Variants in SELENOH observed in about 807,000 individuals in gnomAD.
SELENOH encodes chromosome 11 open reading frame 31.
In SELENOH, 13 loss-of-function variants were observed where a neutral mutation model predicts 11.9. That is an observed-to-expected ratio of 1.09 (90% CI 0.71 to 1.74). The LOEUF (loss-of-function observed/expected upper bound fraction) is 1.74, where lower values mean the gene tolerates loss of function less well. Ranked by LOEUF, SELENOH falls within the 40% of genes most tolerant of loss-of-function variation. The probability of loss-of-function intolerance (pLI) is 0.00; values close to 1 mark genes in which losing one functional copy is unlikely to be tolerated. For synonymous variants in SELENOH, 96 were observed against 73.5 expected (o/e 1.31, Z -1.56); for missense variants, 223 against 170.3 (o/e 1.31, Z -1.72).
At position 57,741,644 on chromosome 11, in the gene SELENOH, G is replaced by C. The variant is rs777244759; in HGVS notation, c.49G>C (p.Val17Leu). 2.9e-6 allele frequency: 4 copies of C among 1,382,434 alleles called. No homozygotes were observed. The East Asian group carries it at 8.5e-5, about 29-fold the overall frequency. The allele number at this position is 1,382,434 out of a possible 1,614,324, so 85.6% of individuals were successfully genotyped here. ...KRKAEAAVVA[V>L]AEKREKLANG... is the part of the protein sequence containing the mutation. ...TAAGGCTGAGGCCGCGGTGGTCGCCGTAGCCGAGAAGCGAGAGAAGCTGGC... is the reference window on the plus strand; with the variant it reads ...TAAGGCTGAGGCCGCGGTGGTCGCCCTAGCCGAGAAGCGAGAGAAGCTGGC... Residue 17 changes from valine (V) to leucine (L), a missense_variant, in exon 1 of 4, where the codon GTA becomes CTA. Transcript: ENST00000534355.
rs1466542223 is a variant in SELENOH, at chr11:57,743,527, G to A, written c.*695G>A. The A allele has an allele frequency of 2.0e-5, 3 of 152,066 alleles. No homozygotes were observed. Among genetic ancestry groups the A allele is most frequent in the Admixed American group, 1.3e-4 (2 of 15,260 alleles). 9.4% of individuals were successfully genotyped at this position (152,066 alleles called of 1,614,324 possible). The stretch of plus-strand genomic sequence containing the variant: ...TACTTGTAAAAATTATGGGAGCAAA[G>A]TAAATAATTTATTTTTTAAAAAAGC... On this transcript the variant is annotated 3_prime_UTR_variant, in exon 4 of 4. Coordinates refer to ENST00000534355, the MANE Select transcript of SELENOH (RefSeq NM_170746.4).
intron 3 of SELENOH, chr11:57,742,492 T>C (rs1048089326): frequency 2.3e-6 from 1 of 442,916 alleles, no homozygotes; most frequent in Non-Finnish European, 4.1e-6. Context: ...TTTGGGAGAC[T>C]GTAGTTGACT....
At position 57,742,319 on chromosome 11, in the gene SELENOH, G is replaced by A. The variant is rs971674268; in HGVS notation, c.*30+72G>A. The A allele has an allele frequency of 6.0e-6, 7 of 1,167,794 alleles. No individual in the cohort carries two copies. The Admixed American group carries it at 8.4e-5, about 14-fold the overall frequency. The allele number at this position is 1,167,794 out of a possible 1,614,324, so 72.3% of individuals were successfully genotyped here. ...GGCATTGATCTTGGTGTGGCTACAA[G>A]TACCCACCTGGCGTGGGTAGCTCAC... On this transcript the variant is annotated intron_variant, in intron 3 of 3. Transcript: ENST00000534355.
In SELENOH at chr11:57,742,121, G is replaced by A. The variant is rs760390496; in HGVS notation, c.273G>A (p.Ala91=). The A allele has an allele frequency of 6.2e-7, 1 of 1,610,644 alleles. No individual in the cohort carries two copies. The highest frequency in any genetic ancestry group is 1.1e-5 in the South Asian group (1 of 90,250). The change falls in exon 3 of 4, where the codon GCG becomes GCA. Residue 91 remains alanine, a synonymous_variant. Transcript: ENST00000534355. ...CGCTTCATTCTGGCCTTTCAGGTGC[G>A]GAGCTCTGGACTGGGATTAAGAAGG... The part of the protein sequence containing the change: ...VTLLRPDGSS[A]ELWTGIKKGP...
rs757723961 is a variant in SELENOH at position 57,741,886 on chromosome 11, T to G, written c.200T>G (p.Val67Gly). ...CGCCTGGAGGCCCCAGAGCTTCCAG[T>G]AAAGGTGAACCCGACGAAGCCCCGG... is the stretch of plus-strand genomic sequence containing the variant. The part of the protein sequence containing the change: ...ALRLEAPELP[V>G]KVNPTKPRRG... Residue 67 changes from valine (V) to glycine (G), a missense_variant, in exon 2 of 4, where the codon GTA (valine) becomes GGA (glycine). By Grantham distance (109) the Val-to-Gly change is moderately radical (BLOSUM62 -3). Transcript: ENST00000534355. 3.1e-6 allele frequency: 5 copies of G among 1,596,050 alleles called. No homozygotes were observed. Among genetic ancestry groups the G allele is most frequent in the South Asian group, 1.1e-5 (1 of 88,218 alleles).
chr11:57,742,973 G>A lies in SELENOH; in HGVS notation c.*141G>A, dbSNP rs1949125750. ...GCCAGAAATGAAGGTTCAGTTATGA[G>A]GCAACCCTCTAGTAAGGCATTGTAA... On this transcript the variant is annotated 3_prime_UTR_variant, in exon 4 of 4. Coordinates refer to ENST00000534355, the MANE Select transcript of SELENOH (RefSeq NM_170746.4). 1 of 152,642 alleles carries A rather than the reference G, an allele frequency of 6.6e-6. No homozygotes were observed. 9.5% of individuals were successfully genotyped at this position (152,642 alleles called of 1,614,324 possible).
rs375068573 is a variant in SELENOH, at chr11:57,741,969, G to A, written c.268+15G>A. The A allele has an allele frequency of 1.0e-5, 16 of 1,582,906 alleles. No individual in the cohort carries two copies. In the African/African-American group the frequency reaches 1.9e-4, roughly 19 times the overall value. ...GGACGGCAGCAGTAAGTGGGGACCTGGATGTGGGGGAGAGGGACGTGGGTG... is the reference window on the plus strand; with the variant it reads ...GGACGGCAGCAGTAAGTGGGGACCTAGATGTGGGGGAGAGGGACGTGGGTG... On this transcript the variant is annotated intron_variant, in intron 2 of 3. Coordinates refer to ENST00000534355, the MANE Select transcript of SELENOH (RefSeq NM_170746.4).
Position 57,741,649 on chromosome 11 carries a change from CGAGAAGCGA to C in SELENOH, c.62_70del (p.Arg21_Lys23del). ...CTGAGGCCGCGGTGGTCGCCGTAGC[CGAGAAGCGA>C]GAGAAGCTGGCGAACGGCGGGGAGG... On this transcript the variant is annotated inframe_deletion, in exon 1 of 4. Coordinates refer to ENST00000534355, the MANE Select transcript of SELENOH (RefSeq NM_170746.4). 2 of 1,424,192 alleles carry C rather than the reference CGAGAAGCGA, an allele frequency of 1.4e-6. No homozygotes were observed. The highest frequency in any genetic ancestry group is 1.8e-6 in the Non-Finnish European group (2 of 1,087,414). The allele number at this position is 1,424,192 out of a possible 1,614,324, so 88.2% of individuals were successfully genotyped here.
rs376111197 is a variant in SELENOH, at chr11:57,742,206, T to C, written c.358T>C (p.Tyr120His). ...AGAGGTGGTGGAAGAGTTGAAGAAG[T>C]ACCTGTCGTAGGGAGATTTGGGTAG... ...PQEVVEELKKYLS is the reference protein window; with the variant it reads ...PQEVVEELKKHLS The change falls in exon 3 of 4, where the codon TAC becomes CAC. Residue 120 changes from tyrosine (Y) to histidine (H), a missense_variant. Physicochemically the swap from Tyr to His is moderately conservative, Grantham distance 83. Coordinates refer to ENST00000534355, the MANE Select transcript of SELENOH (RefSeq NM_170746.4). 13 of 1,608,996 alleles carry C rather than the reference T, an allele frequency of 8.1e-6. No individual in the cohort carries two copies. Among genetic ancestry groups the C allele is most frequent in the Non-Finnish European group, 1.0e-5 (12 of 1,177,774 alleles).
In SELENOH at chr11:57,741,507, G is replaced by T. The variant is rs1413832098; in HGVS notation, c.-89G>T. On this transcript the variant is annotated 5_prime_UTR_variant, in exon 1 of 4. Coordinates refer to ENST00000534355, the MANE Select transcript of SELENOH (RefSeq NM_170746.4). ...TGTAGGAGCAGAGCTTCCGGGCTGC[G>T]CTCTTCGTTGCCCAGTTTCCGCTCA... 3.8e-6 allele frequency: 4 copies of T among 1,050,870 alleles called. No individual in the cohort carries two copies. The African/African-American group carries it at 5.0e-5, about 13-fold the overall frequency. 65.1% of individuals were successfully genotyped at this position (1,050,870 alleles called of 1,614,324 possible). A position where few individuals can be genotyped will look rare whatever the true frequency, so the allele number is the denominator to read the frequency against.
chr11:57,742,489 G>T (rs1226678748), intron 3 of SELENOH: 9 of 443,624 alleles, frequency 2.0e-5, no homozygotes, highest in Non-Finnish European at 3.7e-5. Context: ...TCCTTTGGGA[G>T]ACTGTAGTTG....
In SELENOH at chr11:57,742,210, T is replaced by G; in HGVS notation, c.362T>G (p.Leu121Arg). The G allele has an allele frequency of 6.2e-7, 1 of 1,608,236 alleles. No homozygotes were observed. The highest frequency in any genetic ancestry group is 2.2e-5 in the East Asian group (1 of 44,802). The change falls in exon 3 of 4, where the codon CTG (leucine) becomes CGG (arginine). Residue 121 changes from leucine to arginine, a missense_variant. Leu to Arg is a moderately radical substitution (Grantham distance 102, BLOSUM62 -2). Coordinates refer to ENST00000534355, the MANE Select transcript of SELENOH (RefSeq NM_170746.4). ...QEVVEELKKY[L>R]S ...GTGGTGGAAGAGTTGAAGAAGTACC[T>G]GTCGTAGGGAGATTTGGGTAGAAGC...
rs894550614 is a variant in SELENOH, at chr11:57,743,237, T to C, written c.*405T>C. On this transcript the variant is annotated 3_prime_UTR_variant, in exon 4 of 4. Coordinates refer to ENST00000534355, the MANE Select transcript of SELENOH (RefSeq NM_170746.4). ...GTGCTATCTCGGCTCACTGCAACCA[T>C]TGTCTCCCAGGTTCAAGCGATACTC... 15 of 152,240 alleles carry C rather than the reference T, an allele frequency of 9.9e-5. No homozygotes were observed. The highest frequency in any genetic ancestry group is 3.9e-4 in the East Asian group (2 of 5,182). The allele number at this position is 152,240 out of a possible 1,614,324, so 9.4% of individuals were successfully genotyped here.
Position 57,742,265 on chromosome 11 carries a change from G to A in SELENOH, c.*30+18G>A. ...ATGCTGAGGTTTGAAATGGGAAGTG[G>A]GGGGCGCGACCGCTGTTGAGGAAGA... is the stretch of plus-strand genomic sequence containing the variant. On this transcript the variant is annotated intron_variant, in intron 3 of 3. Transcript: ENST00000534355. 1.3e-6 allele frequency: 2 copies of A among 1,519,600 alleles called. No individual in the cohort carries two copies. Among genetic ancestry groups the A allele is most frequent in the Non-Finnish European group, 1.8e-6 (2 of 1,112,346 alleles). The allele number at this position is 1,519,600 out of a possible 1,614,324, so 94.1% of individuals were successfully genotyped here. A position where few individuals can be genotyped will look rare whatever the true frequency, so the allele number is the denominator to read the frequency against.
Position 57,741,708 on chromosome 11 carries a change from T to C in SELENOH, c.113T>C (p.Ile38Thr), listed in dbSNP as rs778404041. ...GEGMEEATVV[I>T]EHCTSURVYG... The stretch of plus-strand genomic sequence containing the variant: ...GGAATGGAGGAGGCGACCGTTGTTA[T>C]CGAGCATTGGTGAGGGGCCTGGAGA... Residue 38 changes from isoleucine (I) to threonine (T), a missense_variant, in exon 1 of 4, where the codon ATC becomes ACC. Coordinates refer to ENST00000534355, the MANE Select transcript of SELENOH (RefSeq NM_170746.4). 1.9e-5 allele frequency: 30 copies of C among 1,558,466 alleles called. No individual in the cohort carries two copies. Among genetic ancestry groups the C allele is most frequent in the Middle Eastern group, 1.8e-4 (1 of 5,516 alleles).
intron 3 of SELENOH, 162 bp downstream of exon 3, chr11:57,742,409 T>C: frequency 3.4e-6 from 2 of 590,026 alleles, no homozygotes; most frequent in Non-Finnish European, 6.0e-6. Flanking sequence ...GGAGACCCTA[T>C]TTGAAAACAA....
chr11:57,742,314 T>C lies in SELENOH; in HGVS notation c.*30+67T>C, dbSNP rs146047458. On this transcript the variant is annotated intron_variant, in intron 3 of 3. Coordinates refer to ENST00000534355, the MANE Select transcript of SELENOH (RefSeq NM_170746.4). ...GAGAAGGCATTGATCTTGGTGTGGC[T>C]ACAAGTACCCACCTGGCGTGGGTAG... 6.0e-5 allele frequency: 73 copies of C among 1,207,118 alleles called. No homozygotes were observed. The East Asian group carries it at 1.8e-3, about 30-fold the overall frequency. The allele number at this position is 1,207,118 out of a possible 1,614,324, so 74.8% of individuals were successfully genotyped here.
Position 57,742,432 on chromosome 11 carries a change from AG to A in SELENOH, c.*30+186del. 1.0e-5 allele frequency: 6 copies of A among 571,452 alleles called. No individual in the cohort carries two copies. In the South Asian group the frequency reaches 1.3e-4, roughly 12 times the overall value. 35.4% of individuals were successfully genotyped at this position (571,452 alleles called of 1,614,324 possible). On this transcript the variant is annotated intron_variant, in intron 3 of 3. Coordinates refer to ENST00000534355, the MANE Select transcript of SELENOH (RefSeq NM_170746.4). ...TATTTGAAAACAAAAAACAAAAAAAAGACACAATATTGTTTTCTGTCTAGTG... is the reference window on the plus strand; with the variant it reads ...TATTTGAAAACAAAAAACAAAAAAAAACACAATATTGTTTTCTGTCTAGTG...
intron 3 of SELENOH, 197 bp downstream of exon 3, chr11:57,742,444 G>C (rs776039549): frequency 3.5e-5 from 19 of 546,616 alleles, no homozygotes; most frequent in East Asian, 9.5e-5. Flanking sequence ...ACACAATATT[G>C]TTTTCTGTCT....
Sources: gnomAD v4.1 joint callset for allele counts on GRCh38, gnomAD v4.1.1 for gene constraint, MANE v1.5 for transcripts, NCBI Gene and HGNC (gene_info 2026-07-23, HGNC 2026-07-21) for gene names.